The following UBE2E2 variants were observed in gnomAD, a reference collection of about 807,000 sequenced individuals.
The protein encoded by UBE2E2 is ubiquitin conjugating enzyme E2 E2.
A neutral mutation model predicts 24.7 loss-of-function variants in UBE2E2; 6 were observed. The ratio of observed to expected loss-of-function variants is 0.24; its 90% CI spans 0.13 to 0.48. UBE2E2 has a LOEUF of 0.48. Ranked by LOEUF, UBE2E2 falls within the 20% of genes least tolerant of loss-of-function variation. The pLI, the probability that UBE2E2 is intolerant of heterozygous loss-of-function variation, is 0.99. For synonymous variants in UBE2E2, 104 were observed against 83.6 expected (o/e 1.24, Z -1.33); for missense variants, 169 against 245.0 (o/e 0.69, Z 2.07).
chr3:23,293,373 A>T, intron 3 of UBE2E2, among the ~76,000 whole-genome samples: 1 of 152,236 alleles, frequency 6.6e-6, no homozygotes. Context: ...AGCCACTAAC[A>T]TGAAGGAGTT....
At chr3:23,206,233 C>T (rs1286910574) in intron 1 of UBE2E2, among the ~76,000 whole-genome samples, 4 of 151,984 alleles carry the variant, frequency 2.6e-5, no homozygotes, top group Non-Finnish European at 4.4e-5. Context: ...GCCGCCCTAT[C>T]TGATATGCCA....
chr3:23,490,330 G>T (rs1202084315), intron 3 of UBE2E2, among the ~76,000 whole-genome samples: 2 of 152,172 alleles, frequency 1.3e-5, no homozygotes, highest in Admixed American at 6.5e-5. Context: ...CCTGTAAAAA[G>T]TAAGACTTAG....
chr3:23,378,805 C>T (rs1184456716), intron 3 of UBE2E2, among the ~76,000 whole-genome samples: 1 of 152,084 alleles, frequency 6.6e-6, no homozygotes, highest in African/African-American at 2.4e-5. Context: ...GTTTTGGGGA[C>T]TCTGAACTAA....
intron 3 of UBE2E2, among the ~76,000 whole-genome samples, chr3:23,406,125 C>T (rs1187904426): frequency 1.3e-5 from 2 of 152,200 alleles, no homozygotes; most frequent in Non-Finnish European, 2.9e-5. Flanking sequence ...ACATTGACTG[C>T]CTGGAACGCA....
intron 3 of UBE2E2, among the ~76,000 whole-genome samples, chr3:23,486,849 G>A (rs1029505155): frequency 6.6e-6 from 1 of 152,322 alleles, no homozygotes; most frequent in African/African-American, 2.4e-5. Context: ...TGGCTAAAAG[G>A]CGTCAATGAA....
chr3:23,340,957 T>C (rs1396325004), intron 3 of UBE2E2, among the ~76,000 whole-genome samples: 3 of 152,142 alleles, frequency 2.0e-5, no homozygotes, highest in Non-Finnish European at 4.4e-5. Flanking sequence ...CCAACACCAG[T>C]GGGAGAGTTT....
At chr3:23,227,809 A>G (rs1376623134) in intron 3 of UBE2E2, among the ~76,000 whole-genome samples, 3 of 152,168 alleles carry the variant, frequency 2.0e-5, no homozygotes, top group Non-Finnish European at 4.4e-5. Context: ...GTCTTGCCTT[A>G]TGTTCCATTG....
intron 3 of UBE2E2, among the ~76,000 whole-genome samples, chr3:23,412,688 A>T (rs567392109): frequency 1.3e-5 from 2 of 152,240 alleles, no homozygotes; most frequent in East Asian, 1.9e-4. Context: ...TCATGCCTTT[A>T]TTCAAGTACA....
chr3:23,421,753 C>T (rs897395615), intron 3 of UBE2E2, among the ~76,000 whole-genome samples: 4 of 152,232 alleles, frequency 2.6e-5, no homozygotes, highest in Non-Finnish European at 5.9e-5. Context: ...AAGTCAAACA[C>T]CACATGTTCT....
chr3:23,576,335 C>T (rs1262449635), intron 5 of UBE2E2, among the ~76,000 whole-genome samples: 2 of 152,028 alleles, frequency 1.3e-5, no homozygotes, highest in African/African-American at 4.8e-5. Context: ...AGTGGAACTG[C>T]CGGAGGACAG....
chr3:23,477,681 G>A (rs17081034), intron 3 of UBE2E2, among the ~76,000 whole-genome samples: 5 of 152,178 alleles, frequency 3.3e-5, no homozygotes, highest in South Asian at 2.1e-4. Context: ...GGATTTCTCC[G>A]TGTTACTGAA....
At chr3:23,210,426 A>G (rs1696287686) in intron 2 of UBE2E2, among the ~76,000 whole-genome samples, 1 of 152,248 alleles carries the variant, frequency 6.6e-6, no homozygotes, top group South Asian at 2.1e-4. Context: ...GAGCACCACT[A>G]TAAAATACCT....
intron 3 of UBE2E2, among the ~76,000 whole-genome samples, chr3:23,235,270 T>G (rs7429470): frequency 6.6e-6 from 1 of 151,914 alleles, no homozygotes; most frequent in African/African-American, 2.4e-5. Flanking sequence ...AGTTTTATTT[T>G]GGGTTGAGAA....
intron 3 of UBE2E2, among the ~76,000 whole-genome samples, chr3:23,278,650 T>C (rs1032115110): frequency 1.3e-5 from 2 of 152,136 alleles, no homozygotes; most frequent in African/African-American, 2.4e-5. Flanking sequence ...ATTTGTTGAA[T>C]TGAATTAAAT....
chr3:23,392,795 A>G (rs902529656), intron 3 of UBE2E2, among the ~76,000 whole-genome samples: 1 of 152,200 alleles, frequency 6.6e-6, no homozygotes, highest in African/African-American at 2.4e-5. Flanking sequence ...AAGGGTCAAG[A>G]ATGACTTTCC....
chr3:23,411,780 A>C (rs1333373819), intron 3 of UBE2E2, among the ~76,000 whole-genome samples: 2 of 152,194 alleles, frequency 1.3e-5, no homozygotes, highest in Non-Finnish European at 2.9e-5. Context: ...TGTGAAAATT[A>C]AGTACTTAGT....
chr3:23,230,918 G>A (rs533159713), intron 3 of UBE2E2, among the ~76,000 whole-genome samples: 1 of 152,248 alleles, frequency 6.6e-6, no homozygotes, highest in East Asian at 1.9e-4. Flanking sequence ...ATTTTGGGGA[G>A]TAGAACTAGC....
intron 4 of UBE2E2, among the ~76,000 whole-genome samples, chr3:23,527,775 G>T (rs1695033156): frequency 6.6e-6 from 1 of 152,074 alleles, no homozygotes; most frequent in Non-Finnish European, 1.5e-5. Context: ...AACTCATGGA[G>T]GTTGTTGTAC....
At chr3:23,386,377 G>T (rs532824139) in intron 3 of UBE2E2, among the ~76,000 whole-genome samples, 3 of 152,138 alleles carry the variant, frequency 2.0e-5, no homozygotes, top group East Asian at 1.9e-4. Flanking sequence ...CCTCCCAAAG[G>T]CCCCACCTCC....
Sources: gnomAD v4.1 joint callset for allele counts (sites outside exome capture counted in the v4.1 genomes callset) on GRCh38, gnomAD v4.1.1 for gene constraint, MANE v1.5 for transcripts, NCBI Gene and HGNC (gene_info 2026-07-23, HGNC 2026-07-21) for gene names.